CNTNAP2: variants seen among roughly 807,000 people sequenced by gnomAD.
The protein encoded by CNTNAP2 is contactin-associated protein-like 2.
A neutral mutation model predicts 155.2 loss-of-function variants in CNTNAP2; 98 were observed. That is an observed-to-expected ratio of 0.63 (90% CI 0.54 to 0.75). The LOEUF (loss-of-function observed/expected upper bound fraction) is 0.75, where lower values mean the gene tolerates loss of function less well. Ranked by LOEUF, CNTNAP2 falls within the 30% of genes least tolerant of loss-of-function variation. The pLI is 0.00. For missense variants in CNTNAP2, 1,727 were observed against 1,688.1 expected, an observed-to-expected ratio of 1.02 and a Z score of -0.40; for synonymous variants, 651 against 631.2, an observed-to-expected ratio of 1.03 and a Z score of -0.47.
chr7:147,032,664 G>A (rs996286459), intron 3 of CNTNAP2, among the ~76,000 whole-genome samples: 4 of 150,182 alleles, frequency 2.7e-5, no homozygotes, highest in Non-Finnish European at 5.9e-5. Context: ...AAGGAGGGGA[G>A]GAAGGAAATA....
At chr7:146,644,066 A>G (rs144509642) in intron 1 of CNTNAP2, among the ~76,000 whole-genome samples, 5,104 of 152,146 alleles carry the variant, frequency 0.034, 138 homozygotes, top group East Asian at 0.037. Flanking sequence ...TTTGGGCTGA[A>G]ACAATGGGGT....
chr7:147,416,375 C>T (rs1797193781), intron 10 of CNTNAP2, among the ~76,000 whole-genome samples: 1 of 152,160 alleles, frequency 6.6e-6, no homozygotes, highest in African/African-American at 2.4e-5. Context: ...TGTCAAGCCA[C>T]TGGATCAAGT....
At chr7:147,809,011 G>A (rs888317931) in intron 13 of CNTNAP2, among the ~76,000 whole-genome samples, 2 of 152,036 alleles carry the variant, frequency 1.3e-5, no homozygotes, top group African/African-American at 4.8e-5. Flanking sequence ...AGAATGGTTT[G>A]GCTTTTAGGA....
At chr7:147,410,934 G>T (rs1026201235) in intron 10 of CNTNAP2, among the ~76,000 whole-genome samples, 1 of 152,180 alleles carries the variant, frequency 6.6e-6, no homozygotes, top group South Asian at 2.1e-4. Context: ...TGTATTGCAA[G>T]AATGAGTGCC....
chr7:147,530,016 TG>T (rs1799402974), intron 11 of CNTNAP2, among the ~76,000 whole-genome samples: 1 of 152,124 alleles, frequency 6.6e-6, no homozygotes, highest in African/African-American at 2.4e-5. Context: ...TCAATAATCG[TG>T]GGGATTGTGA....
intron 13 of CNTNAP2, among the ~76,000 whole-genome samples, chr7:147,885,227 G>T (rs57536589): frequency 0.27 from 40,368 of 152,048 alleles, 6,249 homozygotes; most frequent in Middle Eastern, 0.4. Context: ...AAGAGGCCAG[G>T]TCAGAAAGTC....
chr7:146,795,022 G>A (rs1802743854), intron 2 of CNTNAP2, among the ~76,000 whole-genome samples: 1 of 152,054 alleles, frequency 6.6e-6, no homozygotes, highest in Non-Finnish European at 1.5e-5. Context: ...AGAAAGCAGG[G>A]GCACCCATTG....
chr7:146,224,209 A>G (rs1219799691), intron 1 of CNTNAP2, among the ~76,000 whole-genome samples: 1 of 152,144 alleles, frequency 6.6e-6, no homozygotes, highest in Non-Finnish European at 1.5e-5. Flanking sequence ...AACTTCCTCC[A>G]TCTCTATCTG....
At chr7:148,230,358 C>A (rs1054340475) in intron 20 of CNTNAP2, among the ~76,000 whole-genome samples, 1 of 152,150 alleles carries the variant, frequency 6.6e-6, no homozygotes, top group Non-Finnish European at 1.5e-5. Context: ...CGGCCCTCAC[C>A]ACTGATTTTT....
At chr7:148,016,518 AAG>A (rs910820055) in intron 15 of CNTNAP2, among the ~76,000 whole-genome samples, 2 of 152,226 alleles carry the variant, frequency 1.3e-5, no homozygotes, top group African/African-American at 4.8e-5. Flanking sequence ...GAAGACACTG[AAG>A]AGAGGCAGAG....
intron 13 of CNTNAP2, among the ~76,000 whole-genome samples, chr7:147,792,904 T>C (rs1563091109): frequency 6.6e-6 from 1 of 152,154 alleles, no homozygotes; most frequent in Non-Finnish European, 1.5e-5. Flanking sequence ...CTACTCCAGG[T>C]GAAGTAATAA....
intron 21 of CNTNAP2, among the ~76,000 whole-genome samples, chr7:148,331,276 C>G (rs1324404703): frequency 1.9e-4 from 15 of 80,850 alleles, no homozygotes; most frequent in African/African-American, 7.0e-4. Flanking sequence ...ATGGAGTGGA[C>G]GGATGGAGTG....
At chr7:148,067,710 TC>T (rs991838116) in intron 15 of CNTNAP2, among the ~76,000 whole-genome samples, 6 of 152,186 alleles carry the variant, frequency 3.9e-5, no homozygotes, top group African/African-American at 1.4e-4. Flanking sequence ...ACCATAGCGC[TC>T]CCAAGAGATT....
intron 1 of CNTNAP2, among the ~76,000 whole-genome samples, chr7:146,588,459 TAC>T (rs1798730087): frequency 6.6e-6 from 1 of 152,152 alleles, no homozygotes; most frequent in Non-Finnish European, 1.5e-5. Flanking sequence ...TAAATTAAAA[TAC>T]AGTCTTTAAA....
Position 146,713,637 on chromosome 7 carries a change from T to A in CNTNAP2, c.98-60634T>A, listed in dbSNP as rs184896698. ...TAGCTCATTTTGTGTTGCCTTCAAG[T>A]ATGACAAATTCCTTTCCAAATGTGA... On this transcript the variant is annotated intron_variant, in intron 1 of 23. Transcript: ENST00000361727. Among the ~76,000 whole-genome samples, 255 of 152,324 alleles carry A rather than the reference T, an allele frequency of 1.7e-3. 1 individual carries two copies. Among genetic ancestry groups the A allele is most frequent in the African/African-American group, 5.8e-3 (243 of 41,590 alleles).
At chr7:146,329,457 C>T (rs1239752353) in intron 1 of CNTNAP2, among the ~76,000 whole-genome samples, 4 of 152,166 alleles carry the variant, frequency 2.6e-5, no homozygotes, top group African/African-American at 7.2e-5. Context: ...TTACTTCAAG[C>T]GTGAGTGTTC....
At chr7:146,386,699 A>T (rs1296003415) in intron 1 of CNTNAP2, among the ~76,000 whole-genome samples, 6 of 152,182 alleles carry the variant, frequency 3.9e-5, no homozygotes, top group Non-Finnish European at 8.8e-5. Context: ...ATTCTGTTTC[A>T]TATAACTTGT....
rs936169014 is a variant in CNTNAP2, at chr7:146,846,207, A to G, written c.402+6303A>G. Among the ~76,000 whole-genome samples, 7 of 152,130 alleles carry G rather than the reference A, an allele frequency of 4.6e-5. No homozygotes were observed. The East Asian group carries it at 5.8e-4, about 13-fold the overall frequency. ...TTCTTTTCCCCAAAAGATGAGTATT[A>G]CCCTTGCTTCTTTATGTAAACATCT... On this transcript the variant is annotated intron_variant, in intron 3 of 23. Transcript: ENST00000361727.
At chr7:146,399,496 A>T in intron 1 of CNTNAP2, among the ~76,000 whole-genome samples, 1 of 152,182 alleles carries the variant, frequency 6.6e-6, no homozygotes, top group East Asian at 1.9e-4. Flanking sequence ...TTTGCAGATG[A>T]CATAATTTAC....
Sources: gnomAD v4.1 joint callset for allele counts (sites outside exome capture counted in the v4.1 genomes callset) on GRCh38, gnomAD v4.1.1 for gene constraint, MANE v1.5 for transcripts, NCBI Gene and HGNC (gene_info 2026-07-23, HGNC 2026-07-21) for gene names.